Variants in EFCAB8 observed in about 807,000 individuals in gnomAD.
The protein encoded by EFCAB8 is EF-hand calcium binding domain 8.
A neutral mutation model predicts 116.3 loss-of-function variants in EFCAB8; 100 were observed. That is an observed-to-expected ratio of 0.86 (90% CI 0.73 to 1.02). The LOEUF (loss-of-function observed/expected upper bound fraction) is 1.02. Among genes scored for constraint, EFCAB8 ranks in the 50% least tolerant of loss-of-function variants. The probability of loss-of-function intolerance (pLI) is 0.00; values close to 1 mark genes in which losing one functional copy is unlikely to be tolerated. For missense variants in EFCAB8, 1,320 were observed against 1,416.9 expected (o/e 0.93, Z 1.10); for synonymous variants, 558 against 567.9 (o/e 0.98, Z 0.25).
chr20:32,867,826 T>G (rs1600359820), intron 3 of EFCAB8, 79 bp downstream of exon 3: 1 of 1,445,168 alleles, frequency 6.9e-7, no homozygotes. Context: ...GTGTGGAGGG[T>G]TCAGACATAA....
intron 10 of EFCAB8, among the ~76,000 whole-genome samples, chr20:32,896,943 C>T (rs187375223): frequency 6.6e-5 from 10 of 152,292 alleles, no homozygotes; most frequent in East Asian, 1.9e-4. Context: ...GCCGTCAGGA[C>T]GTGAGGTGAT....
At chr20:32,944,107 T>TA (rs1476441516) in intron 23 of EFCAB8, among the ~76,000 whole-genome samples, 3 of 152,166 alleles carry the variant, frequency 2.0e-5, no homozygotes, top group Non-Finnish European at 4.4e-5. Context: ...AAGAAAAACA[T>TA]ACAAACCAGA....
Position 32,876,026 on chromosome 20 carries a change from T to C in EFCAB8, c.309T>C (p.Cys103=). ...KELFLKVDSD[C]EGFVTWQKYV... ...TGTTTTTGAAGGTGGACTCGGACTG[T>C]GAAGGCTTTGTCACCTGGGTGAGGA... The change falls in exon 4 of 27, where the codon TGT becomes TGC. Residue 103 remains cysteine, a synonymous_variant. Transcript: ENST00000400522. 1.9e-6 allele frequency: 3 copies of C among 1,552,144 alleles called. No individual in the cohort carries two copies. Among genetic ancestry groups the C allele is most frequent in the Non-Finnish European group, 2.6e-6 (3 of 1,147,096 alleles).
intron 2 of EFCAB8, among the ~76,000 whole-genome samples, chr20:32,866,874 C>T (rs1455742730): frequency 1.4e-5 from 2 of 141,608 alleles, no homozygotes; most frequent in African/African-American, 2.6e-5. Context: ...TCTTTCTTTC[C>T]TTCCTTCCTT....
At chr20:32,940,945 A>G (rs1370068481) in intron 22 of EFCAB8, among the ~76,000 whole-genome samples, 2 of 149,700 alleles carry the variant, frequency 1.3e-5, no homozygotes, top group Non-Finnish European at 3.0e-5. Context: ...GGACTCTTAC[A>G]CATTGCTGGA....
intron 20 of EFCAB8, among the ~76,000 whole-genome samples, chr20:32,922,577 A>T (rs1334804928): frequency 6.6e-6 from 1 of 152,228 alleles, no homozygotes; most frequent in Non-Finnish European, 1.5e-5. Context: ...AGGACAATGG[A>T]GGACAAGAAA....
intron 8 of EFCAB8, 83 bp downstream of exon 8, chr20:32,892,380 C>G: frequency 7.6e-7 from 1 of 1,315,308 alleles, no homozygotes; most frequent in Non-Finnish European, 1.1e-6. Context: ...AGGGTTGGGG[C>G]CCCCAGAAAG....
At chr20:32,890,224 G>A (rs1218183500) in intron 7 of EFCAB8, among the ~76,000 whole-genome samples, 6 of 151,930 alleles carry the variant, frequency 3.9e-5, no homozygotes, top group Non-Finnish European at 1.5e-5. Flanking sequence ...TGAGGCCACT[G>A]TGGTCTCCTC....
chr20:32,895,103 C>T lies in EFCAB8; in HGVS notation c.884-1351C>T, dbSNP rs1015183625. 1.8e-4 allele frequency among the ~76,000 whole-genome samples: 27 copies of T among 152,296 alleles called. No homozygotes were observed. The South Asian group carries it at 1.9e-3, about 11-fold the overall frequency. ...CCTAGACTGCCCCAGCATTTGTGAC[C>T]GCCTCCTTAAACTGCTCTGACGGAG... On this transcript the variant is annotated intron_variant, in intron 9 of 26. Coordinates refer to ENST00000400522, the MANE Select transcript of EFCAB8 (RefSeq NM_001143967.2).
intron 13 of EFCAB8, among the ~76,000 whole-genome samples, chr20:32,907,777 G>A (rs1461286791): frequency 2.0e-5 from 3 of 152,208 alleles, no homozygotes; most frequent in African/African-American, 7.2e-5. Context: ...GCCATGGGCA[G>A]AGGATGCCTC....
rs530060546 is a variant in EFCAB8, at chr20:32,944,338, G to A, written c.2959+534G>A. Among the ~76,000 whole-genome samples, 15 of 152,200 alleles carry A rather than the reference G, an allele frequency of 9.9e-5. No homozygotes were observed. The East Asian group carries it at 1.5e-3, about 16-fold the overall frequency. On this transcript the variant is annotated intron_variant, in intron 23 of 26. Coordinates refer to ENST00000400522, the MANE Select transcript of EFCAB8 (RefSeq NM_001143967.2). ...AAATTAGCCAGGCATGGTGGTGCAT[G>A]CCTGTAATCCCAGCTACTTGAGAGG...
chr20:32,877,561 G>A (rs780603782), intron 4 of EFCAB8, among the ~76,000 whole-genome samples: 1 of 152,128 alleles, frequency 6.6e-6, no homozygotes, highest in Non-Finnish European at 1.5e-5. Context: ...GAACAATGAG[G>A]CCAACTGAAA....
chr20:32,872,604 G>A (rs1311829687), intron 3 of EFCAB8, among the ~76,000 whole-genome samples: 1 of 152,060 alleles, frequency 6.6e-6, no homozygotes, highest in Non-Finnish European at 1.5e-5. Context: ...GACCAGCCTG[G>A]CCAACATGGT....
rs1263058855 is a variant in EFCAB8, at chr20:32,948,789, T to A, written c.2959+4985T>A. 2.6e-5 allele frequency among the ~76,000 whole-genome samples: 4 copies of A among 152,246 alleles called. No homozygotes were observed. In the East Asian group the frequency reaches 5.8e-4, roughly 22 times the overall value. On this transcript the variant is annotated intron_variant, in intron 23 of 26. Transcript: ENST00000400522. The stretch of plus-strand genomic sequence containing the variant: ...ATGTGATTATCTTGATACAATAAAA[T>A]CATTTGACAAAATTCAACATCCATT...
At chr20:32,895,522 A>C (rs1986116136) in intron 9 of EFCAB8, among the ~76,000 whole-genome samples, 3 of 147,148 alleles carry the variant, frequency 2.0e-5, no homozygotes, top group Admixed American at 2.0e-4. Flanking sequence ...TTTTTTGTAG[A>C]GATGGGTTCT....
intron 20 of EFCAB8, among the ~76,000 whole-genome samples, chr20:32,926,668 A>G (rs1231785485): frequency 5.1e-5 from 5 of 98,338 alleles, no homozygotes; most frequent in Non-Finnish European, 8.0e-5. Flanking sequence ...CCCTCCCCCG[A>G]CCCCACAACA....
chr20:32,873,338 C>CA (rs1984782953), intron 3 of EFCAB8, among the ~76,000 whole-genome samples: 1 of 151,572 alleles, frequency 6.6e-6, no homozygotes, highest in South Asian at 2.1e-4. Context: ...CTCGGCCTCC[C>CA]AAAGTGCTGG....
chr20:32,893,172 A>AGGTCT lies in EFCAB8; in HGVS notation c.759_763dup, dbSNP rs1322070890. The AGGTCT allele has an allele frequency of 6.4e-7, 1 of 1,551,694 alleles. No homozygotes were observed. The highest frequency in any genetic ancestry group is 8.7e-7 in the Non-Finnish European group (1 of 1,146,960). ...ACCTCTTCCGTCTCCATCTTTCTGCAGGTCTGACTATCACAGAGGTGTGTT... is the reference window on the plus strand; with the variant it reads ...ACCTCTTCCGTCTCCATCTTTCTGCAGGTCTGGTCTGACTATCACAGAGGTGTGTT... On this transcript the variant is annotated splice_acceptor_variant, in intron 8 of 26. Coordinates refer to ENST00000400522, the MANE Select transcript of EFCAB8 (RefSeq NM_001143967.2). LOFTEE classifies it high-confidence loss of function.
At chr20:32,939,191 CTTTCTTTCTTTCCTCT>C (rs1396036099) in intron 22 of EFCAB8, among the ~76,000 whole-genome samples, 646 of 57,636 alleles carry the variant, frequency 0.011, 2 homozygotes, top group Middle Eastern at 0.028. Flanking sequence ...TTCTTTCTTT[CTTTCTTTCTTTCCTCT>C]CTCTCTCTCT....
Sources: gnomAD v4.1 joint callset for allele counts (sites outside exome capture counted in the v4.1 genomes callset) on GRCh38, gnomAD v4.1.1 for gene constraint, MANE v1.5 for transcripts, NCBI Gene and HGNC (gene_info 2026-07-23, HGNC 2026-07-21) for gene names.